Variants in MCTP1 observed in about 807,000 individuals in gnomAD.
The protein encoded by MCTP1 is multiple C2 and transmembrane domain-containing protein 1.
Under a neutral mutation model 120.6 loss-of-function variants are expected in MCTP1, and 69 were observed. That is an observed-to-expected ratio of 0.57 (90% CI 0.47 to 0.70). The LOEUF is 0.70. Ranked by LOEUF, MCTP1 falls within the 30% of genes least tolerant of loss-of-function variation. The pLI, the probability that MCTP1 is intolerant of heterozygous loss-of-function variation, is 0.00. For synonymous variants in MCTP1, 529 were observed against 493.1 expected (o/e 1.07, Z -0.96); for missense variants, 1,203 against 1,248.8 (o/e 0.96, Z 0.55).
chr5:94,908,583 C>A, intron 10 of MCTP1, among the ~76,000 whole-genome samples: 1 of 151,870 alleles, frequency 6.6e-6, no homozygotes, highest in East Asian at 1.9e-4. Flanking sequence ...TCAATATTGG[C>A]AGGTTTCAAT....
At chr5:94,849,692 T>A (rs1793243239) in intron 17 of MCTP1, among the ~76,000 whole-genome samples, 1 of 152,148 alleles carries the variant, frequency 6.6e-6, no homozygotes, top group Non-Finnish European at 1.5e-5. Context: ...GGACCAGCTT[T>A]CTGAAATACA....
Position 95,162,184 on chromosome 5 carries a change from T to A in MCTP1, c.720+121672A>T, listed in dbSNP as rs145919078. 1.4e-4 allele frequency among the ~76,000 whole-genome samples: 21 copies of A among 152,296 alleles called. No homozygotes were observed. In the East Asian group the frequency reaches 4.0e-3, roughly 29 times the overall value. On this transcript the variant is annotated intron_variant, in intron 1 of 22. Transcript: ENST00000515393. ...AATATTTTAGATGGAGACAAACCCA[T>A]AATGTTTATAATGTACTGTTATGTT... is the stretch of plus-strand genomic sequence containing the variant.
At chr5:94,888,756 C>T in intron 12 of MCTP1, 123 bp downstream of exon 12, 2 of 584,058 alleles carry the variant, frequency 3.4e-6, no homozygotes, top group Non-Finnish European at 6.0e-6. Context: ...TAAGATCATC[C>T]CTGAATCTTT....
Position 95,099,339 on chromosome 5 carries a change from C to T in MCTP1, c.721-81855G>A, listed in dbSNP as rs1454293073. 9.3e-5 allele frequency among the ~76,000 whole-genome samples: 14 copies of T among 151,102 alleles called. No individual in the cohort carries two copies. In the South Asian group the frequency reaches 1.5e-3, roughly 16 times the overall value. ...CTACCATCAGAGTGAACAGGCAACC[C>T]ACAAAATGGGAGAAAATTTTCGCAA... On this transcript the variant is annotated intron_variant, in intron 1 of 22. Transcript: ENST00000515393.
At chr5:95,222,589 A>T (rs563132117) in intron 1 of MCTP1, among the ~76,000 whole-genome samples, 1 of 152,356 alleles carries the variant, frequency 6.6e-6, no homozygotes, top group Non-Finnish European at 1.5e-5. Flanking sequence ...ATTCTGCTTC[A>T]TGGTTTTACA....
intron 18 of MCTP1, among the ~76,000 whole-genome samples, chr5:94,787,702 C>A (rs545083733): frequency 6.6e-6 from 1 of 151,922 alleles, no homozygotes; most frequent in South Asian, 2.1e-4. Flanking sequence ...CTGCAAGCTC[C>A]GCCTCCTGGG....
intron 4 of MCTP1, among the ~76,000 whole-genome samples, chr5:94,941,684 AT>A (rs1026463792): frequency 6.6e-6 from 1 of 152,064 alleles, no homozygotes; most frequent in East Asian, 1.9e-4. Context: ...TTCTAATGGT[AT>A]TTTTTTATTC....
intron 17 of MCTP1, among the ~76,000 whole-genome samples, chr5:94,847,215 G>T (rs1792594591): frequency 6.6e-6 from 1 of 152,138 alleles, no homozygotes; most frequent in South Asian, 2.1e-4. Context: ...CAAAGGCTGA[G>T]AAGCACTGTT....
chr5:94,932,741 C>T (rs1390129741), intron 5 of MCTP1, among the ~76,000 whole-genome samples: 1 of 151,990 alleles, frequency 6.6e-6, no homozygotes. Flanking sequence ...TCCTGATTAA[C>T]CTCTTTCCCC....
chr5:95,113,074 A>C (rs529231037), intron 1 of MCTP1, among the ~76,000 whole-genome samples: 37 of 152,346 alleles, frequency 2.4e-4, no homozygotes, highest in African/African-American at 7.9e-4. Context: ...AGGAAATGGA[A>C]TACAGCATAA....
At chr5:94,779,316 G>A (rs1435828330) in intron 18 of MCTP1, among the ~76,000 whole-genome samples, 153 bp from the exon 19 acceptor site, 5 of 152,178 alleles carry the variant, frequency 3.3e-5, no homozygotes, top group Non-Finnish European at 7.4e-5. Context: ...TTAGGAAAAT[G>A]CTCTGCCTTT....
intron 1 of MCTP1, among the ~76,000 whole-genome samples, chr5:95,164,654 C>G (rs1562196916): frequency 6.6e-6 from 1 of 152,086 alleles, no homozygotes; most frequent in South Asian, 2.1e-4. Flanking sequence ...TATTCTTATA[C>G]TAAATGTTAA....
intron 1 of MCTP1, among the ~76,000 whole-genome samples, chr5:95,107,481 T>A (rs1757159414): frequency 1.3e-5 from 2 of 152,232 alleles, no homozygotes. Context: ...TTAAAGCAGA[T>A]CATACTACAA....
At chr5:95,263,611 C>G (rs1758649727) in intron 1 of MCTP1, among the ~76,000 whole-genome samples, 1 of 152,138 alleles carries the variant, frequency 6.6e-6, no homozygotes, top group Admixed American at 6.5e-5. Context: ...CCTGAAGGCT[C>G]CAAGAGACAC....
rs76223018 is a variant in MCTP1 at position 95,193,762 on chromosome 5, T to C, written c.720+90094A>G. 4.5e-3 allele frequency among the ~76,000 whole-genome samples: 684 copies of C among 152,306 alleles called. 7 individuals carry two copies. Among genetic ancestry groups the C allele is most frequent in the African/African-American group, 0.016 (648 of 41,572 alleles). On this transcript the variant is annotated intron_variant, in intron 1 of 22. Transcript: ENST00000515393. ...CAGATGCATAAGAGTAATATACATA[T>C]GGATATCACAGGAGTGGTGACAGGT...
At chr5:95,108,275 G>A (rs1052122987) in intron 1 of MCTP1, among the ~76,000 whole-genome samples, 2 of 152,120 alleles carry the variant, frequency 1.3e-5, no homozygotes, top group Admixed American at 6.5e-5. Flanking sequence ...TTCCAGGTGC[G>A]TTACAAGAGT....
In MCTP1 at chr5:94,940,081, T is replaced by C. The variant is rs1304393107; in HGVS notation, c.1173+3A>G. On this transcript the variant is annotated splice_donor_region_variant and intron_variant, in intron 5 of 22. Transcript: ENST00000515393. ...GCTCCTACTAGGCTGTGGGGGAACT[T>C]ACCACATCCCTGGACTCTCCTTCTT... 4 of 1,561,102 alleles carry C rather than the reference T, an allele frequency of 2.6e-6. No homozygotes were observed. The highest frequency in any genetic ancestry group is 3.5e-6 in the Non-Finnish European group (4 of 1,137,568).
At chr5:94,943,038 A>G (rs1034130695) in intron 3 of MCTP1, among the ~76,000 whole-genome samples, 1 of 152,106 alleles carries the variant, frequency 6.6e-6, no homozygotes, top group South Asian at 2.1e-4. Context: ...TCTATCCAGT[A>G]TCTTCTCTGT....
At chr5:94,903,110 T>A (rs1448599976) in intron 10 of MCTP1, among the ~76,000 whole-genome samples, 1 of 152,082 alleles carries the variant, frequency 6.6e-6, no homozygotes, top group Non-Finnish European at 1.5e-5. Context: ...ATTTAAATAT[T>A]GCCTATCTCC....
Sources: allele counts gnomAD v4.1 joint callset (sites outside exome capture counted in the v4.1 genomes callset), GRCh38; gene constraint gnomAD v4.1.1; transcripts MANE v1.5; gene names NCBI Gene and HGNC (gene_info 2026-07-23, HGNC 2026-07-21).